FCGR3A: variants seen among roughly 807,000 people sequenced by gnomAD.
FCGR3A encodes Fc gamma receptor IIIa, also known as low affinity immunoglobulin gamma Fc region receptor III-A.
A neutral mutation model predicts 24.1 loss-of-function variants in FCGR3A; 13 were observed. That is an observed-to-expected ratio of 0.54 (90% CI 0.35 to 0.86). The LOEUF is 0.86. Among genes scored for constraint, FCGR3A ranks in the 40% least tolerant of loss-of-function variants. The probability of loss-of-function intolerance (pLI) is 0.01; values close to 1 mark genes in which losing one functional copy is unlikely to be tolerated. For missense variants in FCGR3A, 235 were observed against 298.0 expected (o/e 0.79, Z 1.56); for synonymous variants, 93 against 112.2 (o/e 0.83, Z 1.08).
At chr1:161,548,265 C>A (rs573948357) in intron 3 of FCGR3A, among the ~76,000 whole-genome samples, 156 bp downstream of exon 3, 11 of 152,296 alleles carry the variant, frequency 7.2e-5, no homozygotes, top group Non-Finnish European at 1.0e-4. Flanking sequence ...CTACTTAGAG[C>A]TAGGACTACA....
chr1:161,549,625 G>T, intron 1 of FCGR3A, 72 bp downstream of exon 1: 1 of 1,593,752 alleles, frequency 6.3e-7, no homozygotes, highest in Admixed American at 1.7e-5. Flanking sequence ...CTCATTCGTA[G>T]CCTGAAAAGG....
intron 3 of FCGR3A, among the ~76,000 whole-genome samples, chr1:161,546,589 T>G (rs1677407137): frequency 2.0e-5 from 3 of 151,978 alleles, no homozygotes; most frequent in African/African-American, 7.3e-5. Context: ...TAGATTGGAA[T>G]AAAGAAATTC....
At chr1:161,550,592 G>A (rs560149639), upstream of FCGR3A, 1 of 152,520 alleles carries the variant, frequency 6.6e-6, no homozygotes, top group Non-Finnish European at 1.5e-5. Flanking sequence ...ACTGGATCTG[G>A]GCTGGTCTGT....
At chr1:161,543,223 A>G in intron 4 of FCGR3A, 24 bp from the exon 5 acceptor site, 1 of 1,592,264 alleles carries the variant, frequency 6.3e-7, no homozygotes, top group East Asian at 2.2e-5. Flanking sequence ...TGGAGAGATG[A>G]AAAAAAATGA....
chr1:161,543,097 A>G lies in FCGR3A; in HGVS notation c.680T>C (p.Phe227Ser). 1.9e-6 allele frequency: 3 copies of G among 1,613,346 alleles called. No individual in the cohort carries two copies. Among genetic ancestry groups the G allele is most frequent in the Non-Finnish European group, 2.5e-6 (3 of 1,179,594 alleles). Residue 227 changes from phenylalanine (F) to serine (S), a missense_variant, in exon 5 of 5, where the codon TTC (phenylalanine) becomes TCC (serine). By Grantham distance (155) the Phe-to-Ser change is radical. Transcript: ENST00000443193. ...GCTTCGAATGTTTGTCTTCACAGAG[A>G]AATATAGTCCTGTGTCCACTGCAAA... is the stretch of plus-strand genomic sequence containing the variant. The part of the protein sequence containing the change: ...LLFAVDTGLY[F>S]SVKTNIRSST...
At chr1:161,547,448 T>C (rs535476429) in intron 3 of FCGR3A, among the ~76,000 whole-genome samples, 2 of 152,118 alleles carry the variant, frequency 1.3e-5, no homozygotes, top group Non-Finnish European at 2.9e-5. Flanking sequence ...GACCAGCCTA[T>C]GTGGTAAGAT....
At position 161,544,769 on chromosome 1, in the gene FCGR3A, T is replaced by G. The variant is rs575552913; in HGVS notation, c.509A>C (p.Tyr170Ser). The change falls in exon 4 of 5, where the codon TAC becomes TCC. Residue 170 changes from tyrosine (Y) to serine (S), a missense_variant. Physicochemically the swap from Tyr to Ser is moderately radical, Grantham distance 144. Transcript: ENST00000443193. ...PKATLKDSGS[Y>S]FCRGLFGSKN... is the part of the protein sequence containing the mutation. ...ACTCCCAAAAAGCCCCCTGCAGAAG[T>G]AGGAGCCGCTGTCTTTGAGTGTGGC... 3 of 1,613,422 alleles carry G rather than the reference T, an allele frequency of 1.9e-6. No homozygotes were observed. The highest frequency in any genetic ancestry group is 1.7e-5 in the Admixed American group (1 of 59,982).
At position 161,549,799 on chromosome 1, in the gene FCGR3A, C is replaced by T; in HGVS notation, c.-63G>A. On this transcript the variant is annotated 5_prime_UTR_variant, in exon 1 of 5. Coordinates refer to ENST00000443193, the MANE Select transcript of FCGR3A (RefSeq NM_000569.8). ...CGGAGCCCTAAAGGGACCAAACCGA[C>T]TAGACAGGAGGAAGTAAACAGCCTT... The T allele has an allele frequency of 1.2e-6, 2 of 1,613,894 alleles. No individual in the cohort carries two copies. Among genetic ancestry groups the T allele is most frequent in the South Asian group, 1.1e-5 (1 of 91,046 alleles).
chr1:161,542,871 G>A lies in FCGR3A; in HGVS notation c.*141C>T, dbSNP rs1677180388. 3.0e-6 allele frequency: 2 copies of A among 662,100 alleles called. No homozygotes were observed. The highest frequency in any genetic ancestry group is 5.0e-6 in the Non-Finnish European group (2 of 400,816). 41.0% of individuals were successfully genotyped at this position (662,100 alleles called of 1,614,324 possible). On this transcript the variant is annotated 3_prime_UTR_variant, in exon 5 of 5. Coordinates refer to ENST00000443193, the MANE Select transcript of FCGR3A (RefSeq NM_000569.8). ...TTCCACTGGAGACCAAGGAAAAGTC[G>A]AGAGTTGGATAAGGGATCTGGCTCT... is the stretch of plus-strand genomic sequence containing the variant.
chr1:161,544,588 T>G, intron 4 of FCGR3A, 113 bp downstream of exon 4: 1 of 1,192,984 alleles, frequency 8.4e-7, no homozygotes, highest in Non-Finnish European at 1.2e-6. Flanking sequence ...GGGAACCACA[T>G]ATGAAGAAGT....
At chr1:161,548,886 G>A (rs373184583) in intron 2 of FCGR3A, 125 bp downstream of exon 2, 107,461 of 1,114,136 alleles carry the variant, frequency 0.096, 3,176 homozygotes, top group South Asian at 0.16. Context: ...TGCTGTGTTG[G>A]AGGAACTATC....
rs1677157343 is a variant in FCGR3A at position 161,542,405 on chromosome 1, C to T, written c.*607G>A. The T allele has an allele frequency of 6.6e-6, 1 of 151,470 alleles. No homozygotes were observed. Among genetic ancestry groups the T allele is most frequent in the Non-Finnish European group, 1.5e-5 (1 of 67,896 alleles). The allele number at this position is 151,470 out of a possible 1,614,324, so 9.4% of individuals were successfully genotyped here. On this transcript the variant is annotated 3_prime_UTR_variant, in exon 5 of 5. Coordinates refer to ENST00000443193, the MANE Select transcript of FCGR3A (RefSeq NM_000569.8). ...ATAGAGTCCCCTGGAAGACTCAATTCTACGTCACCCTCATGATTTCCTGTT... is the reference window on the plus strand; with the variant it reads ...ATAGAGTCCCCTGGAAGACTCAATTTTACGTCACCCTCATGATTTCCTGTT...
chr1:161,549,977 C>A (rs1358718686), upstream of FCGR3A: 3 of 959,558 alleles, frequency 3.1e-6, no homozygotes, highest in Non-Finnish European at 3.1e-6. Flanking sequence ...GGTCTGCCCC[C>A]TTTACTCCCT....
chr1:161,544,394 T>C (rs1040069095), intron 4 of FCGR3A, among the ~76,000 whole-genome samples: 20 of 151,864 alleles, frequency 1.3e-4, no homozygotes, highest in African/African-American at 4.6e-4. Context: ...TATGACACCG[T>C]GGGTGTGATT....
chr1:161,545,730 A>C (rs1378977903), intron 3 of FCGR3A: 1 of 152,038 alleles, frequency 6.6e-6, no homozygotes, highest in Non-Finnish European at 1.5e-5. Context: ...TCACCAAGTA[A>C]TCAGACTTCA....
intron 3 of FCGR3A, among the ~76,000 whole-genome samples, 181 bp downstream of exon 3, chr1:161,548,240 C>T (rs1677532265): frequency 1.3e-5 from 2 of 152,302 alleles, no homozygotes; most frequent in South Asian, 2.1e-4. Flanking sequence ...CAGGCTTTGA[C>T]ATTTTGCCCA....
chr1:161,544,091 A>C (rs1466539786), intron 4 of FCGR3A, among the ~76,000 whole-genome samples: 2 of 152,262 alleles, frequency 1.3e-5, no homozygotes, highest in Non-Finnish European at 2.9e-5. Flanking sequence ...AATATTACCT[A>C]TCTCATGTTG....
rs968381213 is a variant in FCGR3A, at chr1:161,544,919, T to C, written c.359A>G (p.Glu120Gly). Reference protein sequence around the residue: ...LLQAPRWVFKEEDPIHLRCHS... With the variant: ...LLQAPRWVFKGEDPIHLRCHS... ...ACACCTCAGGTGAATAGGGTCTTCC[T>C]CCTTGAACACCCACCGAGGGGCCTG... Residue 120 changes from glutamate (E) to glycine (G), a missense_variant, in exon 4 of 5, where the codon GAG becomes GGG. Physicochemically the swap from Glu to Gly is moderately conservative, Grantham distance 98 (BLOSUM62 -2). Coordinates refer to ENST00000443193, the MANE Select transcript of FCGR3A (RefSeq NM_000569.8). 5 of 1,612,648 alleles carry C rather than the reference T, an allele frequency of 3.1e-6. No individual in the cohort carries two copies. The highest frequency in any genetic ancestry group is 4.2e-6 in the Non-Finnish European group (5 of 1,179,132).
chr1:161,548,977 A>C (rs761565624), intron 2 of FCGR3A, 34 bp downstream of exon 2: 1 of 1,597,292 alleles, frequency 6.3e-7, no homozygotes, highest in African/African-American at 1.3e-5. Context: ...TATGTGCCCC[A>C]CTGGGTCAAT....
Sources: allele counts gnomAD v4.1 joint callset (sites outside exome capture counted in the v4.1 genomes callset), GRCh38; gene constraint gnomAD v4.1.1; transcripts MANE v1.5; gene names NCBI Gene and HGNC (gene_info 2026-07-23, HGNC 2026-07-21).